ELFN1: variants seen among roughly 807,000 people sequenced by gnomAD.
ELFN1 encodes the protein protein ELFN1.
ELFN1 carries 6 observed loss-of-function variants against 7.6 expected under a neutral mutation model. That is an observed-to-expected ratio of 0.79 (90% confidence interval 0.43 to 1.56). The LOEUF is 1.56. Ranked by LOEUF, ELFN1 falls within the 40% of genes most tolerant of loss-of-function variation. ELFN1 has a pLI of 0.01. For missense variants in ELFN1, 1,169 were observed against 1,232.2 expected, an observed-to-expected ratio of 0.95 and a Z score of 0.77; for synonymous variants, 657 against 588.1, an observed-to-expected ratio of 1.12 and a Z score of -1.70.
intron 2 of ELFN1, among the ~76,000 whole-genome samples, chr7:1,702,372 G>A (rs1017812856): frequency 4.0e-5 from 6 of 151,494 alleles, no homozygotes; most frequent in African/African-American, 1.5e-4. Context: ...GCAGTGAGCC[G>A]AGATTACACC....
chr7:1,726,159 G>A (rs868187977), intron 3 of ELFN1, among the ~76,000 whole-genome samples: 3 of 152,252 alleles, frequency 2.0e-5, no homozygotes, highest in Non-Finnish European at 1.5e-5. Flanking sequence ...AGGGCTCCAA[G>A]GTCCGCACCC....
chr7:1,676,858 T>G (rs548551405), intron 1 of ELFN1, among the ~76,000 whole-genome samples: 2 of 152,274 alleles, frequency 1.3e-5, no homozygotes, highest in African/African-American at 4.8e-5. Flanking sequence ...GGTACTCGGA[T>G]TGCTTCGGGA....
intron 2 of ELFN1, among the ~76,000 whole-genome samples, chr7:1,708,528 C>T (rs1583343654): frequency 6.6e-6 from 1 of 152,338 alleles, no homozygotes; most frequent in East Asian, 1.9e-4. Flanking sequence ...ACTCTGCTCC[C>T]AGGCAGTTGG....
chr7:1,704,071 G>A (rs757086977), intron 2 of ELFN1, among the ~76,000 whole-genome samples: 163 of 152,318 alleles, frequency 1.1e-3, no homozygotes, highest in African/African-American at 3.7e-3. Context: ...CCACCTCCTC[G>A]TGGGGCTGGA....
intron 2 of ELFN1, among the ~76,000 whole-genome samples, chr7:1,704,314 G>A (rs1403277323): frequency 6.6e-6 from 1 of 152,156 alleles, no homozygotes; most frequent in East Asian, 1.9e-4. Context: ...ACTGGGCTGT[G>A]GGGAATGGGC....
upstream of ELFN1, among the ~76,000 whole-genome samples, chr7:1,667,838 C>T (rs976584902): frequency 6.6e-6 from 1 of 152,138 alleles, no homozygotes; most frequent in Non-Finnish European, 1.5e-5. This position sits in a 1 kb window ranked among gnomAD's most constrained non-coding sequence, Gnocchi z 8.2. Context: ...GACAGATGTC[C>T]TCGCGGCGGC....
At chr7:1,691,701 G>A (rs2128580274) in intron 2 of ELFN1, among the ~76,000 whole-genome samples, 1 of 152,276 alleles carries the variant, frequency 6.6e-6, no homozygotes, top group South Asian at 2.1e-4. Flanking sequence ...TGGCCGGTGA[G>A]AGCCGAGGGC....
In ELFN1 at chr7:1,746,714, G is replaced by A. The variant is rs867372048; in HGVS notation, c.2118G>A (p.Ser706=). The change falls in exon 4 of 4, where the codon TCG becomes TCA. Residue 706 remains serine, a synonymous_variant. Coordinates refer to ENST00000424383, the MANE Select transcript of ELFN1 (RefSeq NM_001128636.4). The part of the protein sequence containing the change: ...KGRQYGEHRH[S]YPGSHPAEPP... ...GCCAGTACGGCGAGCACCGGCACTC[G>A]TACCCCGGCTCCCACCCGGCCGAGC... is the stretch of plus-strand genomic sequence containing the variant. 1.7e-5 allele frequency: 25 copies of A among 1,475,194 alleles called. No individual in the cohort carries two copies. The highest frequency in any genetic ancestry group is 4.0e-4 in the Middle Eastern group (2 of 5,020). 91.4% of individuals were successfully genotyped at this position (1,475,194 alleles called of 1,614,324 possible).
In ELFN1 at chr7:1,723,683, C is replaced by T. The variant is rs573976536; in HGVS notation, c.-294+14431C>T. 1.7e-3 allele frequency among the ~76,000 whole-genome samples: 254 copies of T among 152,278 alleles called. 1 individual carries two copies. In the South Asian group the frequency reaches 0.021, roughly 12 times the overall value. ...GCCTGGGGCTTGGGCTCGTGGGCCA[C>T]GAGCATCTTTGCCTTGGTGAGATGT... On this transcript the variant is annotated intron_variant, in intron 3 of 3. Coordinates refer to ENST00000424383, the MANE Select transcript of ELFN1 (RefSeq NM_001128636.4).
chr7:1,737,399 C>A (rs933972900), intron 3 of ELFN1, among the ~76,000 whole-genome samples: 2 of 152,164 alleles, frequency 1.3e-5, no homozygotes. Context: ...GCACAGCAGG[C>A]GGTAGACTGG....
chr7:1,687,041 A>G, intron 1 of ELFN1, among the ~76,000 whole-genome samples: 1 of 151,330 alleles, frequency 6.6e-6, no homozygotes, highest in Non-Finnish European at 1.5e-5. Flanking sequence ...AAATAAAATC[A>G]GCCCCTGACA....
Position 1,746,849 on chromosome 7 carries a change from G to A in ELFN1, c.2253G>A (p.Ser751=), listed in dbSNP as rs1415584493. The A allele has an allele frequency of 8.5e-6, 13 of 1,537,112 alleles. No individual in the cohort carries two copies. Among genetic ancestry groups the A allele is most frequent in the Non-Finnish European group, 1.1e-5 (13 of 1,140,942 alleles). ...CGCGGCCCCGCGACCTCGCCTACTC[G>A]CAGCTGTCCCCGCAGTACCACAGCC... The part of the protein sequence containing the change: ...TRPRPRDLAY[S]QLSPQYHSLS... The change falls in exon 4 of 4, where the codon TCG becomes TCA. Residue 751 remains serine (S), a synonymous_variant. Coordinates refer to ENST00000424383, the MANE Select transcript of ELFN1 (RefSeq NM_001128636.4).
chr7:1,744,671 C>G lies in ELFN1; in HGVS notation c.75C>G (p.Ala25=). The part of the protein sequence containing the change: ...AATLLHAGGL[A]RADCWLIEGD... ...CCCTGCTGCACGCTGGCGGCCTGGC[C>G]CGCGCAGACTGCTGGCTGATCGAGG... Residue 25 remains alanine, a synonymous_variant, in exon 4 of 4, where the codon GCC becomes GCG. Transcript: ENST00000424383. 1 of 1,551,104 alleles carries G rather than the reference C, an allele frequency of 6.4e-7. No individual in the cohort carries two copies.
Position 1,746,185 on chromosome 7 carries a change from C to T in ELFN1, c.1589C>T (p.Thr530Ile). The change falls in exon 4 of 4, where the codon ACC becomes ATC. Residue 530 changes from threonine to isoleucine, a missense_variant. Thr to Ile is a moderately conservative substitution (Grantham distance 89). Coordinates refer to ENST00000424383, the MANE Select transcript of ELFN1 (RefSeq NM_001128636.4). Reference sequence around the variant, plus strand: ...AAGGGCAGCTACATGGAGGTTCGAACCGGGGACCCTCCGGAACGCAGGGAC... The same window carrying T: ...AAGGGCAGCTACATGGAGGTTCGAATCGGGGACCCTCCGGAACGCAGGGAC... ...ASKGSYMEVR[T>I]GDPPERRDCE... 5 of 1,550,528 alleles carry T rather than the reference C, an allele frequency of 3.2e-6. No individual in the cohort carries two copies. The highest frequency in any genetic ancestry group is 2.4e-5 in the East Asian group (1 of 40,924).
At chr7:1,693,379 C>T (rs770818210) in intron 2 of ELFN1, 8 of 470,892 alleles carry the variant, frequency 1.7e-5, no homozygotes, top group South Asian at 3.1e-5. Flanking sequence ...CCTGGACAGC[C>T]GTGTACACAC....
intron 3 of ELFN1, among the ~76,000 whole-genome samples, chr7:1,718,946 G>A (rs1250719472): frequency 6.6e-6 from 1 of 152,182 alleles, no homozygotes; most frequent in Non-Finnish European, 1.5e-5. Flanking sequence ...TTCTTAGGAT[G>A]GGATGCACAG....
intron 3 of ELFN1, among the ~76,000 whole-genome samples, chr7:1,717,051 G>C (rs1779856038): frequency 6.6e-6 from 1 of 152,158 alleles, no homozygotes; most frequent in Admixed American, 6.5e-5. Context: ...AGGGAGGAGG[G>C]GGAAAGGCGT....
Position 1,747,178 on chromosome 7 carries a change from C to A in ELFN1, c.*95C>A. On this transcript the variant is annotated 3_prime_UTR_variant, in exon 4 of 4. Coordinates refer to ENST00000424383, the MANE Select transcript of ELFN1 (RefSeq NM_001128636.4). ...ACCCAACACACGCACGCCACCACAGCAACTGTGACAGCGGGGGGCCCTGCA... is the reference window on the plus strand; with the variant it reads ...ACCCAACACACGCACGCCACCACAGAAACTGTGACAGCGGGGGGCCCTGCA... 1 of 1,325,798 alleles carries A rather than the reference C, an allele frequency of 7.5e-7. No homozygotes were observed. The highest frequency in any genetic ancestry group is 9.9e-7 in the Non-Finnish European group (1 of 1,007,386). 82.1% of individuals were successfully genotyped at this position (1,325,798 alleles called of 1,614,324 possible).
At chr7:1,721,063 C>T (rs990274221) in intron 3 of ELFN1, among the ~76,000 whole-genome samples, 3 of 152,206 alleles carry the variant, frequency 2.0e-5, no homozygotes, top group Non-Finnish European at 2.9e-5. Context: ...TAAATAAACA[C>T]GTGTCAGCAC....
Sources: gnomAD v4.1 joint callset for allele counts (sites outside exome capture counted in the v4.1 genomes callset) on GRCh38, gnomAD v4.1.1 for gene constraint, Gnocchi (gnomAD v3.1) non-coding constraint, MANE v1.5 for transcripts, NCBI Gene and HGNC (gene_info 2026-07-23, HGNC 2026-07-21) for gene names.